Variants in FAM13A observed in about 807,000 individuals in gnomAD.
FAM13A encodes family with sequence similarity 13 member A.
A neutral mutation model predicts 129.6 loss-of-function variants in FAM13A; 76 were observed. That is an observed-to-expected ratio of 0.59 (90% confidence interval 0.49 to 0.71). The LOEUF (loss-of-function observed/expected upper bound fraction) is 0.71, where lower values mean the gene tolerates loss of function less well. Ranked by LOEUF, FAM13A falls within the 30% of genes least tolerant of loss-of-function variation. The pLI is 0.00. For synonymous variants in FAM13A, 443 were observed against 449.9 expected (o/e 0.98, Z 0.20); for missense variants, 1,108 against 1,249.3 (o/e 0.89, Z 1.70).
At chr4:88,946,861 A>C (rs1008759503) in intron 4 of FAM13A, among the ~76,000 whole-genome samples, 13 of 152,134 alleles carry the variant, frequency 8.5e-5, no homozygotes, top group African/African-American at 3.1e-4. Context: ...GCCACCCTTC[A>C]AATGTCAAAT....
intron 10 of FAM13A, among the ~76,000 whole-genome samples, chr4:88,783,976 A>T (rs1338979539): frequency 6.6e-6 from 1 of 152,086 alleles, no homozygotes; most frequent in Non-Finnish European, 1.5e-5. Flanking sequence ...AGTCGGTGGT[A>T]TTTTGTTATG....
intron 13 of FAM13A, 25 bp downstream of exon 13, chr4:88,767,528 T>G: frequency 1.9e-6 from 3 of 1,579,614 alleles, no homozygotes; most frequent in Non-Finnish European, 2.6e-6. Context: ...CGTCACAGTC[T>G]TACTCTTGCT....
chr4:88,976,582 T>C (rs1356871956), intron 4 of FAM13A, among the ~76,000 whole-genome samples: 1 of 152,128 alleles, frequency 6.6e-6, no homozygotes, highest in East Asian at 1.9e-4. Flanking sequence ...ATAATGAAAC[T>C]GAAAAATTAG....
chr4:89,029,772 T>C, intron 1 of FAM13A, 123 bp from the exon 2 acceptor site: 1 of 807,248 alleles, frequency 1.2e-6, no homozygotes. Flanking sequence ...TTATTTTTAC[T>C]TCAACTCAAA....
chr4:89,007,110 C>T (rs531436228), intron 3 of FAM13A, among the ~76,000 whole-genome samples: 177 of 152,218 alleles, frequency 1.2e-3, no homozygotes, highest in African/African-American at 2.3e-3. Flanking sequence ...GCCTCTTGTC[C>T]GTATCATTAT....
At chr4:88,936,167 T>C (rs1424892715) in intron 5 of FAM13A, 3 of 152,188 alleles carry the variant, frequency 2.0e-5, no homozygotes, top group Admixed American at 2.0e-4. Context: ...CACTCAAGGA[T>C]TTCCAAGCAG....
intron 4 of FAM13A, among the ~76,000 whole-genome samples, chr4:88,973,894 A>G (rs1399081228): frequency 1.3e-5 from 2 of 152,154 alleles, no homozygotes; most frequent in Non-Finnish European, 2.9e-5. Flanking sequence ...CTACCCATAC[A>G]TGGGACAGGA....
chr4:88,823,434 C>G, intron 7 of FAM13A: 2 of 651,390 alleles, frequency 3.1e-6, no homozygotes, highest in Non-Finnish European at 3.9e-6. Flanking sequence ...TTGCCTAGTT[C>G]TGGTAACTTG....
At chr4:88,736,358 T>C (rs1251220696) in intron 21 of FAM13A, 1 of 152,198 alleles carries the variant, frequency 6.6e-6, no homozygotes, top group East Asian at 1.9e-4. Flanking sequence ...TGTGGTACCT[T>C]ACCTCAGACA....
In FAM13A at chr4:88,851,082, T is replaced by C. The variant is rs1193688505; in HGVS notation, c.945A>G (p.Arg315=). The change falls in exon 7 of 24, where the codon AGA becomes AGG. Residue 315 remains arginine (R), a synonymous_variant. Transcript: ENST00000264344. ...IPQLSLRLSY[R]KACLEDMNSA... is the part of the protein sequence containing the mutation. ...AATTCATGTCTTCCAAGCAGGCTTTTCTATAACTTAGCCGCAAGCTGAGCT... is the reference window on the plus strand; with the variant it reads ...AATTCATGTCTTCCAAGCAGGCTTTCCTATAACTTAGCCGCAAGCTGAGCT... 11 of 1,613,902 alleles carry C rather than the reference T, an allele frequency of 6.8e-6. No homozygotes were observed. The highest frequency in any genetic ancestry group is 8.5e-6 in the Non-Finnish European group (10 of 1,180,018).
At chr4:88,985,966 CA>C (rs1762191543) in intron 4 of FAM13A, among the ~76,000 whole-genome samples, 1 of 151,798 alleles carries the variant, frequency 6.6e-6, no homozygotes, top group African/African-American at 2.4e-5. Flanking sequence ...ACATAATACA[CA>C]AAATGTAACT....
intron 4 of FAM13A, among the ~76,000 whole-genome samples, chr4:88,964,774 C>A (rs573191532): frequency 6.6e-6 from 1 of 151,732 alleles, no homozygotes; most frequent in Non-Finnish European, 1.5e-5. Context: ...ATCACAGGCA[C>A]GCACCACTGC....
chr4:89,004,006 A>G (rs910424767), intron 3 of FAM13A, among the ~76,000 whole-genome samples: 1 of 152,180 alleles, frequency 6.6e-6, no homozygotes, highest in Non-Finnish European at 1.5e-5. Context: ...CTTTTTTTGT[A>G]GAGACAGGGT....
chr4:88,872,686 T>C (rs1242060011), intron 6 of FAM13A, among the ~76,000 whole-genome samples: 2 of 152,166 alleles, frequency 1.3e-5, no homozygotes, highest in Non-Finnish European at 2.9e-5. Flanking sequence ...ACAATAATAA[T>C]GGGAGAGTTT....
Position 88,872,385 on chromosome 4 carries a change from T to G in FAM13A, c.844-21202A>C, listed in dbSNP as rs189083702. ...AGACCCATCAGTGTGCTGTATTCAG[T>G]AGACCCATCTCACGTGCAGAGACAT... is the stretch of plus-strand genomic sequence containing the variant. On this transcript the variant is annotated intron_variant, in intron 6 of 23. Transcript: ENST00000264344. Among the ~76,000 whole-genome samples the G allele has an allele frequency of 4.1e-3, 618 of 152,216 alleles. 2 individuals carry two copies. Among genetic ancestry groups the G allele is most frequent in the African/African-American group, 0.014 (589 of 41,526 alleles).
At chr4:88,773,712 C>T (rs1035856068) in intron 11 of FAM13A, among the ~76,000 whole-genome samples, 1 of 152,136 alleles carries the variant, frequency 6.6e-6, no homozygotes, top group African/African-American at 2.4e-5. Flanking sequence ...CAACTGTGCA[C>T]CAAAGACTTC....
At chr4:88,768,116 G>C in intron 11 of FAM13A, 57 bp from the exon 12 acceptor site, 1 of 906,142 alleles carries the variant, frequency 1.1e-6, no homozygotes, top group Non-Finnish European at 1.8e-6. Flanking sequence ...ATGCAACGCA[G>C]ACCCTCCTTT....
intron 4 of FAM13A, among the ~76,000 whole-genome samples, chr4:88,983,005 C>T (rs7686954): frequency 0.7 from 105,670 of 152,018 alleles, 36,845 homozygotes; most frequent in Middle Eastern, 0.79. Context: ...AACCCTTTGA[C>T]TCAACTAGGG....
intron 7 of FAM13A, among the ~76,000 whole-genome samples, 172 bp downstream of exon 7, chr4:88,850,848 G>A (rs1275219020): frequency 6.6e-6 from 1 of 152,082 alleles, no homozygotes; most frequent in East Asian, 1.9e-4. Context: ...TCTGTGATAA[G>A]AACTATTAGT....
Sources: gnomAD v4.1 joint callset for allele counts (sites outside exome capture counted in the v4.1 genomes callset) on GRCh38, gnomAD v4.1.1 for gene constraint, MANE v1.5 for transcripts, NCBI Gene and HGNC (gene_info 2026-07-23, HGNC 2026-07-21) for gene names.